POLR3B: variants seen among roughly 807,000 people sequenced by gnomAD.
POLR3B encodes the protein RNA polymerase III subunit B.
Under a neutral mutation model 147.4 loss-of-function variants are expected in POLR3B, and 96 were observed. The ratio of observed to expected loss-of-function variants is 0.65; its 90% CI spans 0.55 to 0.77. POLR3B has a LOEUF of 0.77. Ranked by LOEUF, POLR3B falls within the 30% of genes least tolerant of loss-of-function variation. POLR3B has a pLI of 0.00. For missense variants in POLR3B, 1,036 were observed against 1,413.5 expected (o/e 0.73, Z 4.28); for synonymous variants, 461 against 485.9 (o/e 0.95, Z 0.67).
intron 9 of POLR3B, among the ~76,000 whole-genome samples, chr12:106,392,407 C>T (rs2036925169): frequency 2.0e-5 from 3 of 152,174 alleles, no homozygotes; most frequent in Admixed American, 2.0e-4. Context: ...AGGTGATCCA[C>T]CTGCCTCGGC....
At chr12:106,389,507 G>T (rs2036885410) in intron 9 of POLR3B, among the ~76,000 whole-genome samples, 1 of 152,142 alleles carries the variant, frequency 6.6e-6, no homozygotes, top group Admixed American at 6.5e-5. Context: ...ACTTGAAGTG[G>T]CAATCCATAC....
intron 23 of POLR3B, among the ~76,000 whole-genome samples, chr12:106,476,752 G>A (rs944257677): frequency 2.0e-5 from 3 of 151,750 alleles, no homozygotes; most frequent in African/African-American, 7.3e-5. Flanking sequence ...ATTGGTTATT[G>A]TAGTTATACA....
intron 10 of POLR3B, among the ~76,000 whole-genome samples, chr12:106,401,101 A>G (rs2037058795): frequency 6.6e-6 from 1 of 152,222 alleles, no homozygotes; most frequent in African/African-American, 2.4e-5. Flanking sequence ...AGAATAAAAG[A>G]GAAGAATCAA....
chr12:106,487,135 G>C (rs529702812), intron 23 of POLR3B, among the ~76,000 whole-genome samples: 10 of 152,338 alleles, frequency 6.6e-5, no homozygotes, highest in African/African-American at 2.4e-4. Context: ...AAATGTGAGT[G>C]AAACAGAAAA....
rs1444742236 is a variant in POLR3B at position 106,459,106 on chromosome 12, AG to A, written c.2453-144del. 3 of 663,796 alleles carry A rather than the reference AG, an allele frequency of 4.5e-6. No homozygotes were observed. The African/African-American group carries it at 5.3e-5, about 12-fold the overall frequency. The allele number at this position is 663,796 out of a possible 1,614,324, so 41.1% of individuals were successfully genotyped here. On this transcript the variant is annotated intron_variant, in intron 21 of 27. Transcript: ENST00000228347. ...CAGTGGCATGACCATAGCTCACTGC[AG>A]CCTCAACCTAGGTTCAAGCAGTCCT...
chr12:106,449,629 T>C (rs1218681911), intron 19 of POLR3B, among the ~76,000 whole-genome samples: 1 of 152,214 alleles, frequency 6.6e-6, no homozygotes. Context: ...AAAATATATT[T>C]ATTGTTCTTT....
At chr12:106,505,804 C>A (rs890948923) in intron 27 of POLR3B, among the ~76,000 whole-genome samples, 1 of 152,190 alleles carries the variant, frequency 6.6e-6, no homozygotes, top group African/African-American at 2.4e-5. Flanking sequence ...GAGTCCCCAT[C>A]GTAGTTTCCT....
chr12:106,507,643 A>G, intron 27 of POLR3B: 1 of 352,062 alleles, frequency 2.8e-6, no homozygotes, highest in Admixed American at 4.0e-5. Flanking sequence ...TTGTATTTGT[A>G]CTGTTAACGG....
intron 23 of POLR3B, among the ~76,000 whole-genome samples, chr12:106,493,619 C>A (rs2038434978): frequency 6.6e-6 from 1 of 152,228 alleles, no homozygotes; most frequent in African/African-American, 2.4e-5. Flanking sequence ...TAAGCACAGT[C>A]AGCGGACCAG....
rs546856350 is a variant in POLR3B, at chr12:106,402,761, G to A, written c.847-3096G>A. Among the ~76,000 whole-genome samples the A allele has an allele frequency of 1.8e-4, 28 of 152,304 alleles. No homozygotes were observed. The South Asian group carries it at 5.8e-3, about 32-fold the overall frequency. On this transcript the variant is annotated intron_variant, in intron 10 of 27. Transcript: ENST00000228347. ...TGGGAAAACTGGCTAGCCATACGTAGAAAGCTGAAACTGGATCCCTTCCTT... is the reference window on the plus strand; with the variant it reads ...TGGGAAAACTGGCTAGCCATACGTAAAAAGCTGAAACTGGATCCCTTCCTT...
chr12:106,456,818 G>A (rs187679979), intron 20 of POLR3B, among the ~76,000 whole-genome samples: 3 of 152,256 alleles, frequency 2.0e-5, no homozygotes, highest in Admixed American at 6.5e-5. Context: ...CTATGGCTCT[G>A]TCCTCTGAAA....
intron 10 of POLR3B, among the ~76,000 whole-genome samples, chr12:106,401,734 C>G (rs867795951): frequency 6.6e-6 from 1 of 152,262 alleles, no homozygotes; most frequent in East Asian, 1.9e-4. Context: ...TCAATAGATG[C>G]GGAAAAGGCC....
intron 22 of POLR3B, among the ~76,000 whole-genome samples, chr12:106,461,955 C>T (rs10778476): frequency 0.25 from 38,238 of 152,048 alleles, 5,477 homozygotes; most frequent in African/African-American, 0.38. Flanking sequence ...CATATCAGCA[C>T]TTGGACAGCT....
chr12:106,477,738 C>CA (rs1218741922), intron 23 of POLR3B, among the ~76,000 whole-genome samples: 8 of 152,208 alleles, frequency 5.3e-5, no homozygotes, highest in Admixed American at 2.0e-4. Flanking sequence ...AGGGTACGCG[C>CA]ACCCACTGGC....
chr12:106,498,310 G>A (rs565653856), intron 25 of POLR3B, among the ~76,000 whole-genome samples: 1 of 152,320 alleles, frequency 6.6e-6, no homozygotes, highest in Non-Finnish European at 1.5e-5. Context: ...AGTACCGGCA[G>A]CCCGAGGTGA....
At position 106,454,657 on chromosome 12, in the gene POLR3B, A is replaced by T; in HGVS notation, c.2239A>T (p.Ser747Cys). 6.2e-7 allele frequency: 1 copy of T among 1,612,458 alleles called. No individual in the cohort carries two copies. The highest frequency in any genetic ancestry group is 8.5e-7 in the Non-Finnish European group (1 of 1,178,592). ...QNATVAVMSY[S>C]GYDIEDALVL... ...TGCAACAGTTGCTGTGATGAGCTAT[A>T]GTGGCTATGATATTGAAGATGCTCT... The change falls in exon 20 of 28, where the codon AGT becomes TGT. Residue 747 changes from serine (S) to cysteine (C), a missense_variant. This residue lies in a region of POLR3B where 202 missense variants were observed against 272.8 expected (regional missense o/e 0.74). Transcript: ENST00000228347.
In POLR3B at chr12:106,401,567, A is replaced by C. The variant is rs182814412; in HGVS notation, c.847-4290A>C. Among the ~76,000 whole-genome samples the C allele has an allele frequency of 9.8e-4, 150 of 152,338 alleles. 2 individuals carry two copies. The highest frequency in any genetic ancestry group is 3.5e-3 in the African/African-American group (144 of 41,584). On this transcript the variant is annotated intron_variant, in intron 10 of 27. Coordinates refer to ENST00000228347, the MANE Select transcript of POLR3B (RefSeq NM_018082.6). ...ACATTGATGCAAAAATCCTCATTAA[A>C]ATACTGGCAAACCGAATCCAGCAGC...
chr12:106,388,338 A>C (rs1455114869), intron 9 of POLR3B, among the ~76,000 whole-genome samples: 2 of 144,868 alleles, frequency 1.4e-5, no homozygotes, highest in Non-Finnish European at 3.0e-5. Flanking sequence ...TTTTTTTTTG[A>C]GATGGAGTCT....
chr12:106,437,044 G>T lies in POLR3B; in HGVS notation c.1782-13G>T. 1.2e-6 allele frequency: 2 copies of T among 1,608,408 alleles called. No individual in the cohort carries two copies. Among genetic ancestry groups the T allele is most frequent in the Non-Finnish European group, 8.5e-7 (1 of 1,175,512 alleles). On this transcript the variant is annotated splice_polypyrimidine_tract_variant and intron_variant, in intron 16 of 27. Transcript: ENST00000228347. ...GGAACTATTATTAATTTGGTTTGCT[G>T]TTTCCATTCTAGACCCTACATAATT...
Sources: allele counts gnomAD v4.1 joint callset (sites outside exome capture counted in the v4.1 genomes callset), GRCh38; gene constraint gnomAD v4.1.1; regional missense constraint gnomAD v4.1.1; transcripts MANE v1.5; gene names NCBI Gene and HGNC (gene_info 2026-07-23, HGNC 2026-07-21).